The following MTA1 variants were observed in gnomAD, a reference collection of about 807,000 sequenced individuals.
The protein encoded by MTA1 is metastasis-associated protein MTA1.
Under a neutral mutation model 97.0 loss-of-function variants are expected in MTA1, and 15 were observed. The ratio of observed to expected loss-of-function variants is 0.15; its 90% CI spans 0.10 to 0.24. MTA1 has a LOEUF of 0.24. Ranked by LOEUF, MTA1 falls within the 10% of genes least tolerant of loss-of-function variation. MTA1 has a pLI of 1.00. For missense variants in MTA1, 709 were observed against 1,015.1 expected (o/e 0.70, Z 4.10); for synonymous variants, 435 against 417.5 (o/e 1.04, Z -0.51).
rs587610580 is a variant in MTA1 at position 105,468,703 on chromosome 14, C to T, written c.1814-764C>T. The stretch of plus-strand genomic sequence containing the variant: ...TGGCACCTGACTGAGTTGAGTATGA[C>T]ATCCTGTCCTCTCTGAGCTGGTCCT... On this transcript the variant is annotated intron_variant, in intron 18 of 20. Coordinates refer to ENST00000331320, the MANE Select transcript of MTA1 (RefSeq NM_004689.4). Among the ~76,000 whole-genome samples the T allele has an allele frequency of 8.5e-5, 13 of 152,338 alleles. No homozygotes were observed. The South Asian group carries it at 1.4e-3, about 17-fold the overall frequency.
chr14:105,468,434 T>C, intron 18 of MTA1: 5 of 1,220,908 alleles, frequency 4.1e-6, no homozygotes, highest in Non-Finnish European at 5.5e-6. Flanking sequence ...TGTTCCTGCT[T>C]GGGAGCGCCG....
chr14:105,456,183 A>G (rs1363198762), intron 7 of MTA1, among the ~76,000 whole-genome samples: 2 of 152,246 alleles, frequency 1.3e-5, no homozygotes, highest in African/African-American at 4.8e-5. Context: ...AAGGCCTGGC[A>G]GCCGCACCCA....
At chr14:105,430,582 C>T (rs149528038) in intron 1 of MTA1, among the ~76,000 whole-genome samples, 12 of 152,306 alleles carry the variant, frequency 7.9e-5, no homozygotes, top group African/African-American at 2.9e-4. Flanking sequence ...ATGGACTTGA[C>T]TTGATGCACG....
rs1407082693 is a variant in MTA1, at chr14:105,420,498, CCCT to C, written c.28+437_28+439del. Among the ~76,000 whole-genome samples the C allele has an allele frequency of 2.0e-5, 3 of 152,078 alleles. No homozygotes were observed. Among genetic ancestry groups the C allele is most frequent in the Admixed American group, 6.5e-5 (1 of 15,288 alleles). On this transcript the variant is annotated intron_variant, in intron 1 of 20. Transcript: ENST00000331320. This position sits in a 1 kb window ranked among gnomAD's most constrained non-coding sequence, Gnocchi z 5.3. ...CCCTGTGCTGGGACTCCGGTGCATCCCCTCTGGGGATGGGGAGCCCCGGTGAGG... is the reference window on the plus strand; with the variant it reads ...CCCTGTGCTGGGACTCCGGTGCATCCCTGGGGATGGGGAGCCCCGGTGAGG...
At chr14:105,465,407 C>T (rs372332547) in intron 16 of MTA1, 11 of 383,476 alleles carry the variant, frequency 2.9e-5, no homozygotes, top group Middle Eastern at 1.4e-3. Context: ...GGGCCCAGTG[C>T]GGAGTAGCGG....
chr14:105,464,023 C>G lies in MTA1; in HGVS notation c.1077-9C>G. ...GCAACTCCTCTCGTCTCTCCTTTCCCTCTTTAAGTAACAAGCCAAATCCGA... is the reference window on the plus strand; with the variant it reads ...GCAACTCCTCTCGTCTCTCCTTTCCGTCTTTAAGTAACAAGCCAAATCCGA... On this transcript the variant is annotated splice_polypyrimidine_tract_variant and intron_variant, in intron 12 of 20. Transcript: ENST00000331320. 6.2e-7 allele frequency: 1 copy of G among 1,612,268 alleles called. No homozygotes were observed. Among genetic ancestry groups the G allele is most frequent in the Non-Finnish European group, 8.5e-7 (1 of 1,179,638 alleles).
At chr14:105,469,742 G>T (rs1288072228) in intron 19 of MTA1, 99 bp from the exon 20 acceptor site, 11 of 1,433,884 alleles carry the variant, frequency 7.7e-6, no homozygotes, top group South Asian at 2.6e-5. Context: ...CTGGGGTGGT[G>T]GGGGGTTGGC....
rs188950256 is a variant in MTA1 at position 105,458,266 on chromosome 14, G to T, written c.551-4G>T. The T allele has an allele frequency of 8.0e-4, 1,284 of 1,611,284 alleles. No individual in the cohort carries two copies. Among genetic ancestry groups the T allele is most frequent in the Non-Finnish European group, 1.0e-3 (1,183 of 1,178,762 alleles). On this transcript the variant is annotated splice_polypyrimidine_tract_variant and splice_region_variant and intron_variant, in intron 7 of 20. Coordinates refer to ENST00000331320, the MANE Select transcript of MTA1 (RefSeq NM_004689.4). ...CTCAGAAAGGCCACACTTCCTCCCT[G>T]TAGGCGAGGAGGATGGCCGAGACCA...
chr14:105,449,656 C>T (rs956240633), intron 4 of MTA1, among the ~76,000 whole-genome samples: 3 of 152,172 alleles, frequency 2.0e-5, no homozygotes, highest in Non-Finnish European at 2.9e-5. Flanking sequence ...TGTCTGGCCA[C>T]GAGATGGGGA....
At position 105,465,170 on chromosome 14, in the gene MTA1, G is replaced by C; in HGVS notation, c.1611G>C (p.Val537=). The C allele has an allele frequency of 3.3e-6, 5 of 1,520,774 alleles. No homozygotes were observed. Among genetic ancestry groups the C allele is most frequent in the Non-Finnish European group, 4.4e-6 (5 of 1,127,692 alleles). The allele number at this position is 1,520,774 out of a possible 1,614,324, so 94.2% of individuals were successfully genotyped here. ...CGGTACGCAAGCCGCTGGAAGCCGT[G>C]CTTCGGTATCTTGGTGAGCAGCCAG... is the stretch of plus-strand genomic sequence containing the variant. ...KQAVRKPLEA[V]LRYLETHPRP... The change falls in exon 16 of 21, where the codon GTG becomes GTC. Residue 537 remains valine, a synonymous_variant. Coordinates refer to ENST00000331320, the MANE Select transcript of MTA1 (RefSeq NM_004689.4).
chr14:105,466,713 T>A lies in MTA1; in HGVS notation c.1784T>A (p.Met595Lys). The A allele has an allele frequency of 6.2e-7, 1 of 1,601,782 alleles. No individual in the cohort carries two copies. The highest frequency in any genetic ancestry group is 8.5e-7 in the Non-Finnish European group (1 of 1,175,694). The change falls in exon 18 of 21, where the codon ATG becomes AAG. Residue 595 changes from methionine to lysine, a missense_variant. Coordinates refer to ENST00000331320, the MANE Select transcript of MTA1 (RefSeq NM_004689.4). Reference sequence around the variant, plus strand: ...CCCACCCCGGCGCTGCCAGGCAACATGAAGAAGCGCCTCTTGATGCCCAGT... The same window carrying A: ...CCCACCCCGGCGCTGCCAGGCAACAAGAAGAAGCGCCTCTTGATGCCCAGT... The part of the protein sequence containing the change: ...YEQHNGVDGN[M>K]KKRLLMPSRG...
intron 1 of MTA1, among the ~76,000 whole-genome samples, chr14:105,437,764 AG>A (rs1202498956): frequency 5.3e-5 from 8 of 152,146 alleles, no homozygotes; most frequent in Non-Finnish European, 1.2e-4. Flanking sequence ...TGGGCTGGCG[AG>A]GGTGCTCGTG....
intron 1 of MTA1, among the ~76,000 whole-genome samples, chr14:105,437,467 T>A (rs1224885321): frequency 6.6e-6 from 1 of 150,560 alleles, no homozygotes; most frequent in Non-Finnish European, 1.5e-5. Flanking sequence ...AGGTGCGTCC[T>A]CATGGGTGTG....
At chr14:105,437,603 C>A (rs145220974) in intron 1 of MTA1, among the ~76,000 whole-genome samples, 4 of 152,202 alleles carry the variant, frequency 2.6e-5, no homozygotes, top group Admixed American at 6.5e-5. Context: ...CCTCGCGGCA[C>A]GGGTTTGGCC....
rs1555430712 is a variant in MTA1, at chr14:105,460,391, C to T, written c.687C>T (p.Cys229=). 3.1e-6 allele frequency: 5 copies of T among 1,611,720 alleles called. No homozygotes were observed. The highest frequency in any genetic ancestry group is 4.2e-6 in the Non-Finnish European group (5 of 1,179,396). ...SVGTFARALD[C]SSSVRQPSLH... The stretch of plus-strand genomic sequence containing the variant: ...GCACCTTCGCACGGGCCCTGGACTG[C>T]AGCAGCTCCGTCCGACAGCCCAGCC... Residue 229 remains cysteine, a synonymous_variant, in exon 9 of 21, where the codon TGC becomes TGT. Transcript: ENST00000331320.
chr14:105,435,936 C>T (rs587622517), intron 1 of MTA1, among the ~76,000 whole-genome samples: 1 of 152,100 alleles, frequency 6.6e-6, no homozygotes, highest in Non-Finnish European at 1.5e-5. Flanking sequence ...GTTTCTTTGT[C>T]AGTCTGGCTA....
intron 8 of MTA1, among the ~76,000 whole-genome samples, chr14:105,458,955 G>A (rs782296936): frequency 5.9e-5 from 9 of 152,232 alleles, no homozygotes; most frequent in Non-Finnish European, 1.0e-4. Context: ...TGCTCCCTGC[G>A]ATGCTCATGC....
chr14:105,453,694 C>G (rs1043544871), intron 6 of MTA1, among the ~76,000 whole-genome samples: 11 of 152,018 alleles, frequency 7.2e-5, no homozygotes, highest in Non-Finnish European at 1.6e-4. Context: ...ACCTGTAATC[C>G]CAGCTACTTG....
At chr14:105,469,385 A>G in intron 18 of MTA1, 82 bp from the exon 19 acceptor site, 1 of 1,492,898 alleles carries the variant, frequency 6.7e-7, no homozygotes, top group South Asian at 1.1e-5. Context: ...CATTGTCCCA[A>G]GGTGGCTGAG....
Sources: allele counts gnomAD v4.1 joint callset (sites outside exome capture counted in the v4.1 genomes callset), GRCh38; gene constraint gnomAD v4.1.1; non-coding constraint Gnocchi (gnomAD v3.1); transcripts MANE v1.5; gene names NCBI Gene and HGNC (gene_info 2026-07-23, HGNC 2026-07-21).